Variants in ACAT1 observed in about 807,000 individuals in gnomAD.
ACAT1 encodes the protein acetyl-CoA acetyltransferase 1, also known as acetyl-CoA acetyltransferase, mitochondrial.
ACAT1 carries 28 observed loss-of-function variants against 47.3 expected under a neutral mutation model. The ratio of observed to expected loss-of-function variants is 0.59; its 90% CI spans 0.44 to 0.81. The LOEUF (loss-of-function observed/expected upper bound fraction) is 0.81. ACAT1 is among the 30% of genes least tolerant of loss of function. The pLI, the probability that ACAT1 is intolerant of heterozygous loss-of-function variation, is 0.00. For missense variants in ACAT1, 469 were observed against 524.3 expected, an observed-to-expected ratio of 0.89 and a Z score of 1.03; for synonymous variants, 181 against 173.6, an observed-to-expected ratio of 1.04 and a Z score of -0.34.
At chr11:108,117,325 G>A (rs7120373), upstream of ACAT1, among the ~76,000 whole-genome samples, 140,767 of 147,322 alleles carry the variant, frequency 0.96, 67,470 homozygotes, top group East Asian at 1. Flanking sequence ...TTTTTTTTTT[G>A]GAGACAGAGT....
upstream of ACAT1, among the ~76,000 whole-genome samples, chr11:108,117,301 GTC>G (rs1282416286): frequency 6.0e-5 from 9 of 149,870 alleles, no homozygotes; most frequent in Non-Finnish European, 1.5e-5. Context: ...GCAAGGCTCT[GTC>G]TCTCTCTTTT....
intron 4 of ACAT1, chr11:108,134,586 C>T (rs1565289021): frequency 1.3e-5 from 3 of 238,334 alleles, no homozygotes; most frequent in Non-Finnish European, 2.4e-5. Context: ...TGCAGTGAGC[C>T]AAGATTGCAC....
At chr11:108,130,894 T>C (rs10890815) in intron 1 of ACAT1, among the ~76,000 whole-genome samples, 89,138 of 151,950 alleles carry the variant, frequency 0.59, 26,774 homozygotes, top group East Asian at 0.89. Context: ...GGATTACAGG[T>C]GCCCGCTACC....
upstream of ACAT1, among the ~76,000 whole-genome samples, chr11:108,117,646 G>A (rs1181197623): frequency 6.6e-6 from 1 of 152,090 alleles, no homozygotes; most frequent in African/African-American, 2.4e-5. Flanking sequence ...TCTTTTGGAA[G>A]GACACTGTTT....
intron 1 of ACAT1, chr11:108,128,786 C>T (rs1362359147): frequency 6.6e-6 from 1 of 152,006 alleles, no homozygotes; most frequent in African/African-American, 2.4e-5. Flanking sequence ...GTGGAGAGAA[C>T]CAGGGAAGAT....
intron 10 of ACAT1, 141 bp from the exon 11 acceptor site, chr11:108,146,061 A>AAAAT: frequency 1.2e-6 from 1 of 807,998 alleles, no homozygotes; most frequent in Non-Finnish European, 2.0e-6. Flanking sequence ...AAAAAATCTG[A>AAAAT]AAATAGAGAT....
chr11:108,131,807 G>C, intron 1 of ACAT1, 100 bp from the exon 2 acceptor site: 1 of 473,424 alleles, frequency 2.1e-6, no homozygotes. Flanking sequence ...AAAAGCATAA[G>C]GATGCAGGAA....
intron 1 of ACAT1, among the ~76,000 whole-genome samples, chr11:108,122,323 C>G (rs1454808834): frequency 6.6e-6 from 1 of 152,246 alleles, no homozygotes; most frequent in African/African-American, 2.4e-5. Context: ...GGGGCAGAGT[C>G]TCAAAGAATT....
rs397951009 is a variant in ACAT1, at chr11:108,131,354, A to ATTTTTTTTTTTT, written c.73-546_73-535dup. 7.6e-3 allele frequency among the ~76,000 whole-genome samples: 476 copies of ATTTTTTTTTTTT among 62,636 alleles called. 92 individuals carry two copies. Among genetic ancestry groups the ATTTTTTTTTTTT allele is most frequent in the East Asian group, 0.017 (17 of 996 alleles). 41.1% of individuals were successfully genotyped at this position (62,636 alleles called of 152,430 possible). On this transcript the variant is annotated intron_variant, in intron 1 of 11. Transcript: ENST00000265838. ...AAGCTATATTTAAGAAAGACTTGGA[A>ATTTTTTTTTTTT]TTTTTTTTTTTTTTTTTTAGACAGT...
chr11:108,137,088 T>C (rs1420950303), intron 5 of ACAT1: 1 of 152,200 alleles, frequency 6.6e-6, no homozygotes, highest in Non-Finnish European at 1.5e-5. Flanking sequence ...GTGGGAAGAC[T>C]TGACATGTAA....
In ACAT1 at chr11:108,122,141, C is replaced by T. The variant is rs985140880; in HGVS notation, c.72+463C>T. On this transcript the variant is annotated intron_variant, in intron 1 of 11. Coordinates refer to ENST00000265838, the MANE Select transcript of ACAT1 (RefSeq NM_000019.4). ...TCATTGGGCATACAAGGGGAGAGGG[C>T]ACCATGTGATCATAACAGATGTTTT... Among the ~76,000 whole-genome samples the T allele has an allele frequency of 5.3e-5, 8 of 152,196 alleles. No individual in the cohort carries two copies. In the East Asian group the frequency reaches 1.5e-3, roughly 29 times the overall value.
intron 2 of ACAT1, among the ~76,000 whole-genome samples, chr11:108,132,428 A>G (rs925726726): frequency 2.0e-5 from 3 of 152,250 alleles, no homozygotes; most frequent in Non-Finnish European, 4.4e-5. Context: ...TCTGTTATTT[A>G]TCTCTAAACT....
In ACAT1 at chr11:108,146,416, A is replaced by G. The variant is rs941009061; in HGVS notation, c.1163+57A>G. On this transcript the variant is annotated intron_variant, in intron 11 of 11. Coordinates refer to ENST00000265838, the MANE Select transcript of ACAT1 (RefSeq NM_000019.4). ...AGAGCTGCCTTTGTGTTTCTAGCTA[A>G]ACTTAAAACTGCTTCATAATTCCCA... The G allele has an allele frequency of 3.2e-6, 5 of 1,580,890 alleles. No homozygotes were observed. In the African/African-American group the frequency reaches 5.4e-5, roughly 17 times the overall value.
At chr11:108,129,514 G>A (rs927912156) in intron 1 of ACAT1, among the ~76,000 whole-genome samples, 1 of 151,970 alleles carries the variant, frequency 6.6e-6, no homozygotes, top group East Asian at 1.9e-4. Flanking sequence ...GATTACAGAC[G>A]TGTGCCACCA....
rs761182750 is a variant in ACAT1 at position 108,146,410 on chromosome 11, T to C, written c.1163+51T>C. 10 of 1,593,644 alleles carry C rather than the reference T, an allele frequency of 6.3e-6. No individual in the cohort carries two copies. The Admixed American group carries it at 1.3e-4, about 21-fold the overall frequency. ...AGGTTAAGAGCTGCCTTTGTGTTTC[T>C]AGCTAAACTTAAAACTGCTTCATAA... On this transcript the variant is annotated intron_variant, in intron 11 of 11. Coordinates refer to ENST00000265838, the MANE Select transcript of ACAT1 (RefSeq NM_000019.4).
chr11:108,144,169 T>A, intron 10 of ACAT1, 122 bp downstream of exon 10: 1 of 1,045,324 alleles, frequency 9.6e-7, no homozygotes, highest in Non-Finnish European at 1.5e-6. Context: ...TGGTTTCAAA[T>A]CTTCCCATGT....
intron 6 of ACAT1, 60 bp from the exon 7 acceptor site, chr11:108,140,005 T>C (rs889710577): frequency 5.2e-6 from 8 of 1,548,938 alleles, no homozygotes; most frequent in East Asian, 2.4e-5. Context: ...TTAGGCAAAG[T>C]TAATAGATAT....
rs1287092056 is a variant in ACAT1, at chr11:108,143,788, C to T, written c.941-195C>T. ...AGAGGCAAATACCCCCAAACTCCCCCCCAATGAAAATCAGTGTCTTAGATT... is the reference window on the plus strand; with the variant it reads ...AGAGGCAAATACCCCCAAACTCCCCTCCAATGAAAATCAGTGTCTTAGATT... On this transcript the variant is annotated intron_variant, in intron 9 of 11. Transcript: ENST00000265838. The T allele has an allele frequency of 1.2e-5, 2 of 161,076 alleles. 1 individual carries two copies. Among genetic ancestry groups the T allele is most frequent in the Non-Finnish European group, 2.6e-5 (2 of 77,766 alleles). The allele number at this position is 161,076 out of a possible 1,614,324, so 10.0% of individuals were successfully genotyped here. A position where few individuals can be genotyped will look rare whatever the true frequency, so the allele number is the denominator to read the frequency against.
At chr11:108,144,793 A>G (rs532561655) in intron 10 of ACAT1, among the ~76,000 whole-genome samples, 112 of 152,318 alleles carry the variant, frequency 7.4e-4, no homozygotes, top group African/African-American at 1.6e-3. Context: ...GCTCAGAGCT[A>G]GCAGATCTCA....
Sources: gnomAD v4.1 joint callset for allele counts (sites outside exome capture counted in the v4.1 genomes callset) on GRCh38, gnomAD v4.1.1 for gene constraint, MANE v1.5 for transcripts, NCBI Gene and HGNC (gene_info 2026-07-23, HGNC 2026-07-21) for gene names.